The following NRXN1 variants were observed in gnomAD, a reference collection of about 807,000 sequenced individuals.
NRXN1 encodes neurexin-1.
NRXN1 carries 39 observed loss-of-function variants against 150.9 expected under a neutral mutation model. That is an observed-to-expected ratio of 0.26 (90% CI 0.20 to 0.34). The LOEUF (loss-of-function observed/expected upper bound fraction) is 0.34. Ranked by LOEUF, NRXN1 falls within the 10% of genes least tolerant of loss-of-function variation. The pLI, the probability that NRXN1 is intolerant of heterozygous loss-of-function variation, is 1.00. For synonymous variants in NRXN1, 924 were observed against 757.0 expected (o/e 1.22, Z -3.62); for missense variants, 1,815 against 1,949.9 (o/e 0.93, Z 1.30).
chr2:50,912,367 G>A (rs1684642886), intron 5 of NRXN1: 1 of 151,986 alleles, frequency 6.6e-6, no homozygotes, highest in Non-Finnish European at 1.5e-5. Context: ...TCTATACATA[G>A]AGGGTTACAT....
chr2:50,080,483 C>G (rs1440668854), intron 19 of NRXN1, among the ~76,000 whole-genome samples: 12 of 152,014 alleles, frequency 7.9e-5, no homozygotes. Flanking sequence ...ATATTGATAG[C>G]AATTTTTATC....
At chr2:49,958,010 G>A (rs1463355428) in intron 21 of NRXN1, among the ~76,000 whole-genome samples, 1 of 152,106 alleles carries the variant, frequency 6.6e-6, no homozygotes, top group South Asian at 2.1e-4. Flanking sequence ...TTTTAAGTAA[G>A]GCCTTTGAAA....
intron 5 of NRXN1, among the ~76,000 whole-genome samples, chr2:50,813,058 G>A (rs1377956434): frequency 6.6e-6 from 1 of 152,034 alleles, no homozygotes; most frequent in African/African-American, 2.4e-5. Context: ...AGCCATTGGA[G>A]CAGTGCATGC....
chr2:50,777,882 T>G (rs1317006301), intron 5 of NRXN1, among the ~76,000 whole-genome samples: 1 of 152,172 alleles, frequency 6.6e-6, no homozygotes, highest in Non-Finnish European at 1.5e-5. Context: ...TTCACTGACC[T>G]CTTTGGATAA....
intron 5 of NRXN1, among the ~76,000 whole-genome samples, chr2:50,651,225 T>C (rs770267353): frequency 4.6e-5 from 7 of 152,126 alleles, no homozygotes; most frequent in Admixed American, 6.6e-5. Context: ...ATGTATATGG[T>C]AATTCTCTCC....
chr2:50,508,573 T>A (rs1421167368), intron 12 of NRXN1, among the ~76,000 whole-genome samples: 1 of 152,138 alleles, frequency 6.6e-6, no homozygotes, highest in Non-Finnish European at 1.5e-5. Flanking sequence ...GAACTTTTTT[T>A]TTTTGTTAGA....
At chr2:50,206,259 AC>A (rs1218321050) in intron 18 of NRXN1, among the ~76,000 whole-genome samples, 5 of 147,658 alleles carry the variant, frequency 3.4e-5, no homozygotes, top group East Asian at 2.0e-4. Context: ...ACACACACAC[AC>A]ACAACAATTT....
At chr2:50,649,669 C>A (rs1685327505) in intron 5 of NRXN1, among the ~76,000 whole-genome samples, 1 of 151,954 alleles carries the variant, frequency 6.6e-6, no homozygotes, top group Non-Finnish European at 1.5e-5. Flanking sequence ...CCTACTGTAT[C>A]ACTTGATTGT....
chr2:50,903,426 G>A lies in NRXN1; in HGVS notation c.832+18443C>T, dbSNP rs570771446. 7.2e-5 allele frequency among the ~76,000 whole-genome samples: 11 copies of A among 152,176 alleles called. No homozygotes were observed. In the South Asian group the frequency reaches 1.0e-3, roughly 14 times the overall value. ...TAATAACTGTTTCTATTATGTTGATGGTCTTGGAGGTAACTAACTGTTAAT... is the reference window on the plus strand; with the variant it reads ...TAATAACTGTTTCTATTATGTTGATAGTCTTGGAGGTAACTAACTGTTAAT... On this transcript the variant is annotated intron_variant, in intron 5 of 22. Transcript: ENST00000401669.
intron 17 of NRXN1, among the ~76,000 whole-genome samples, chr2:50,327,320 C>A (rs2076449961): frequency 6.6e-6 from 1 of 152,110 alleles, no homozygotes; most frequent in East Asian, 1.9e-4. Context: ...TTTATATCAA[C>A]TTCAGGACAG....
intron 17 of NRXN1, among the ~76,000 whole-genome samples, chr2:50,309,001 C>T (rs1356968401): frequency 6.6e-6 from 1 of 152,072 alleles, no homozygotes; most frequent in African/African-American, 2.4e-5. Flanking sequence ...CAGGAGCTGC[C>T]CAGTAAATAT....
chr2:50,840,532 G>A (rs778131955), intron 5 of NRXN1, among the ~76,000 whole-genome samples: 6 of 152,050 alleles, frequency 3.9e-5, no homozygotes, highest in Admixed American at 2.6e-4. Context: ...GGAAAAACAC[G>A]TCTCGGCTTG....
chr2:50,530,629 T>C (rs566573796), intron 11 of NRXN1, among the ~76,000 whole-genome samples: 15 of 152,220 alleles, frequency 9.9e-5, no homozygotes, highest in Non-Finnish European at 1.2e-4. Flanking sequence ...TCTCTAGTGT[T>C]CTCATGGCTG....
chr2:49,983,705 C>T, intron 21 of NRXN1, among the ~76,000 whole-genome samples: 1 of 152,098 alleles, frequency 6.6e-6, no homozygotes, highest in African/African-American at 2.4e-5. Context: ...GATTAGAAAC[C>T]ACCTGTGGAG....
At chr2:49,988,920 C>G (rs1681430954) in intron 21 of NRXN1, among the ~76,000 whole-genome samples, 1 of 152,150 alleles carries the variant, frequency 6.6e-6, no homozygotes, top group African/African-American at 2.4e-5. Context: ...CAGTTGAAAA[C>G]TATATCCAAC....
At chr2:50,300,885 G>C (rs1188145862) in intron 17 of NRXN1, among the ~76,000 whole-genome samples, 1 of 151,970 alleles carries the variant, frequency 6.6e-6, no homozygotes, top group African/African-American at 2.4e-5. Flanking sequence ...TATTAGAGAG[G>C]GGGTTTCACC....
At chr2:50,342,448 T>C (rs2077617511) in intron 17 of NRXN1, among the ~76,000 whole-genome samples, 1 of 152,228 alleles carries the variant, frequency 6.6e-6, no homozygotes, top group Non-Finnish European at 1.5e-5. Context: ...CTAATTAATA[T>C]TAAACATTAA....
At chr2:50,533,400 A>C (rs1456607298) in intron 10 of NRXN1, among the ~76,000 whole-genome samples, 1 of 152,180 alleles carries the variant, frequency 6.6e-6, no homozygotes, top group Admixed American at 6.6e-5. Context: ...AACTCAAAAC[A>C]TGCTCCTTCT....
At chr2:50,978,921 G>T (rs189229778) in intron 2 of NRXN1, among the ~76,000 whole-genome samples, 1 of 152,010 alleles carries the variant, frequency 6.6e-6, no homozygotes, top group Non-Finnish European at 1.5e-5. Flanking sequence ...AAGAAAAAAC[G>T]TAATTGTTGT....
Sources: gnomAD v4.1 joint callset for allele counts (sites outside exome capture counted in the v4.1 genomes callset) on GRCh38, gnomAD v4.1.1 for gene constraint, MANE v1.5 for transcripts, NCBI Gene and HGNC (gene_info 2026-07-23, HGNC 2026-07-21) for gene names.